Variants in CDC27 observed in about 807,000 individuals in gnomAD.
CDC27 encodes the protein cell division cycle protein 27 homolog.
Under a neutral mutation model 109.7 loss-of-function variants are expected in CDC27, and 27 were observed. The ratio of observed to expected loss-of-function variants is 0.25; its 90% CI spans 0.18 to 0.34. The LOEUF is 0.34. Among genes scored for constraint, CDC27 ranks in the 10% least tolerant of loss-of-function variants. The pLI is 1.00. For synonymous variants in CDC27, 266 were observed against 333.9 expected (o/e 0.80, Z 2.22); for missense variants, 579 against 960.2 (o/e 0.60, Z 5.25).
chr17:47,146,993 T>C (rs949230273), intron 9 of CDC27, among the ~76,000 whole-genome samples: 1 of 151,272 alleles, frequency 6.6e-6, no homozygotes, highest in Non-Finnish European at 1.5e-5. Flanking sequence ...AGCCCAGGAG[T>C]TTGAGGCTGC....
At chr17:47,189,055 C>T in intron 1 of CDC27, 91 bp downstream of exon 1, 2 of 1,533,364 alleles carry the variant, frequency 1.3e-6, no homozygotes, top group Non-Finnish European at 9.0e-7. Context: ...AGCAGCCGGG[C>T]CTAGGCCGCA....
At position 47,142,254 on chromosome 17, in the gene CDC27, G is replaced by A. The variant is rs75012977; in HGVS notation, c.1353C>T (p.Ala451=). The A allele has an allele frequency of 3.2e-5, 51 of 1,600,792 alleles. No individual in the cohort carries two copies. Among genetic ancestry groups the A allele is most frequent in the Admixed American group, 5.1e-5 (3 of 58,860 alleles). ...CTGCTGCTGCTTTTTGTAGATTAAAGGCCTGAATCTGAGGTGTGATTGTGG... is the reference window on the plus strand; with the variant it reads ...CTGCTGCTGCTTTTTGTAGATTAAAAGCCTGAATCTGAGGTGTGATTGTGG... ...KISTITPQIQ[A]FNLQKAAAEG... The change falls in exon 11 of 19, where the codon GCC becomes GCT. Residue 451 remains alanine, a synonymous_variant. Transcript: ENST00000066544.
chr17:47,133,026 TATACACACAC>T lies in CDC27; in HGVS notation c.1914-662_1914-653del, dbSNP rs1318815428. Among the ~76,000 whole-genome samples the T allele has an allele frequency of 1.9e-4, 6 of 32,366 alleles. No homozygotes were observed. In the East Asian group the frequency reaches 3.5e-3, roughly 19 times the overall value. 21.2% of individuals were successfully genotyped at this position (32,366 alleles called of 152,430 possible). A position where few individuals can be genotyped will look rare whatever the true frequency, so the allele number is the denominator to read the frequency against. ...ATATATATATATATATATATATATA[TATACACACAC>T]ACACACACACACACACACATACATA... On this transcript the variant is annotated intron_variant, in intron 14 of 18. Coordinates refer to ENST00000066544, the MANE Select transcript of CDC27 (RefSeq NM_001256.6).
chr17:47,149,774 G>A (rs190832816), intron 9 of CDC27, among the ~76,000 whole-genome samples: 4 of 151,872 alleles, frequency 2.6e-5, no homozygotes, highest in East Asian at 3.9e-4. Context: ...GGCCAACATC[G>A]TGAAACCCTG....
At chr17:47,155,928 G>A (rs1052625622) in intron 7 of CDC27, among the ~76,000 whole-genome samples, 9 of 152,098 alleles carry the variant, frequency 5.9e-5, no homozygotes, top group Non-Finnish European at 1.3e-4. Context: ...ACTCTAACCT[G>A]GGTGACAGAG....
At position 47,137,123 on chromosome 17, in the gene CDC27, C is replaced by CT. The variant is rs760470136; in HGVS notation, c.1913+28dup. ...GTAAGTACCAGCACCATCAATACGA[C>CT]TTTGTCTTTGTACTTCATTACCACT... On this transcript the variant is annotated intron_variant, in intron 14 of 18. Coordinates refer to ENST00000066544, the MANE Select transcript of CDC27 (RefSeq NM_001256.6). 1.2e-5 allele frequency: 17 copies of CT among 1,401,048 alleles called. No individual in the cohort carries two copies. In the East Asian group the frequency reaches 4.0e-4, roughly 33 times the overall value. The allele number at this position is 1,401,048 out of a possible 1,614,324, so 86.8% of individuals were successfully genotyped here. A position where few individuals can be genotyped will look rare whatever the true frequency, so the allele number is the denominator to read the frequency against.
intron 6 of CDC27, 25 bp downstream of exon 6, chr17:47,157,205 G>C: frequency 6.3e-7 from 1 of 1,589,212 alleles, no homozygotes; most frequent in Non-Finnish European, 8.6e-7. Flanking sequence ...ATAATATTTT[G>C]AACACTAGAA....
Position 47,129,531 on chromosome 17 carries a change from A to G in CDC27, c.2032-10T>C. ...TCAGTGCATGTTGAACCTGTAAGAA[A>G]TAAAGATCATGTTAATACTCCCTCT... On this transcript the variant is annotated splice_polypyrimidine_tract_variant and intron_variant, in intron 15 of 18. Coordinates refer to ENST00000066544, the MANE Select transcript of CDC27 (RefSeq NM_001256.6). 1 of 1,583,538 alleles carries G rather than the reference A, an allele frequency of 6.3e-7. No individual in the cohort carries two copies. The highest frequency in any genetic ancestry group is 8.6e-7 in the Non-Finnish European group (1 of 1,163,248).
At chr17:47,144,561 C>T (rs1035302216) in intron 9 of CDC27, among the ~76,000 whole-genome samples, 2 of 152,090 alleles carry the variant, frequency 1.3e-5, no homozygotes, top group African/African-American at 4.8e-5. Flanking sequence ...TAAATTCAAA[C>T]AGCTATATCA....
chr17:47,181,373 T>G, intron 2 of CDC27, 189 bp downstream of exon 2: 1 of 319,756 alleles, frequency 3.1e-6, no homozygotes, highest in Non-Finnish European at 5.8e-6. Context: ...CCTGAATCAA[T>G]TCTACATAGT....
At chr17:47,185,848 G>A (rs1029876858) in intron 1 of CDC27, among the ~76,000 whole-genome samples, 30 of 152,166 alleles carry the variant, frequency 2.0e-4, no homozygotes, top group African/African-American at 7.2e-4. Flanking sequence ...TTAGATGCAC[G>A]TCAGTGGTTC....
intron 16 of CDC27, among the ~76,000 whole-genome samples, chr17:47,124,837 T>C (rs890667914): frequency 6.6e-6 from 1 of 152,194 alleles, no homozygotes; most frequent in Non-Finnish European, 1.5e-5. Context: ...TAAAAATAGC[T>C]TTGACCTCTA....
At chr17:47,154,273 CAT>C (rs918307330) in intron 8 of CDC27, among the ~76,000 whole-genome samples, 1 of 151,116 alleles carries the variant, frequency 6.6e-6, no homozygotes, top group Non-Finnish European at 1.5e-5. Context: ...ATTAAAAAAA[CAT>C]ATATACACAG....
At chr17:47,170,427 G>T (rs1415278061) in intron 3 of CDC27, 4 of 152,894 alleles carry the variant, frequency 2.6e-5, no homozygotes, top group Non-Finnish European at 5.8e-5. Context: ...CAAACTCCTG[G>T]GCTCATGCAA....
At chr17:47,147,903 A>C (rs2063023587) in intron 9 of CDC27, among the ~76,000 whole-genome samples, 1 of 149,948 alleles carries the variant, frequency 6.7e-6, no homozygotes, top group Non-Finnish European at 1.5e-5. Flanking sequence ...TGTCTCAAAA[A>C]AAAAAAAAAA....
At chr17:47,138,263 G>A (rs904254938) in intron 13 of CDC27, among the ~76,000 whole-genome samples, 3 of 152,076 alleles carry the variant, frequency 2.0e-5, no homozygotes, top group Non-Finnish European at 4.4e-5. Context: ...CAGAATTACC[G>A]CAAATAATGG....
At chr17:47,147,175 C>T (rs1224658275) in intron 9 of CDC27, among the ~76,000 whole-genome samples, 41 of 150,564 alleles carry the variant, frequency 2.7e-4, no homozygotes, top group African/African-American at 8.0e-4. Context: ...CCGAGACGGG[C>T]GGATCACGAG....
intron 15 of CDC27, among the ~76,000 whole-genome samples, chr17:47,131,369 C>A (rs2062326342): frequency 6.6e-6 from 1 of 152,108 alleles, no homozygotes; most frequent in Admixed American, 6.6e-5. Flanking sequence ...GGACTATGTC[C>A]ATTTTTAAGA....
intron 11 of CDC27, 87 bp from the exon 12 acceptor site, chr17:47,142,112 T>C: frequency 8.4e-7 from 1 of 1,195,014 alleles, no homozygotes; most frequent in Non-Finnish European, 1.2e-6. Flanking sequence ...ACTAATCTAT[T>C]AAAAATTCCA....
Sources: allele counts gnomAD v4.1 joint callset (sites outside exome capture counted in the v4.1 genomes callset), GRCh38; gene constraint gnomAD v4.1.1; transcripts MANE v1.5; gene names NCBI Gene and HGNC (gene_info 2026-07-23, HGNC 2026-07-21).